Variants in CLRN3 observed in about 807,000 individuals in gnomAD.
CLRN3 encodes the protein clarin 3.
CLRN3 carries 12 observed loss-of-function variants against 16.7 expected under a neutral mutation model. The observed-to-expected ratio is 0.72, with a 90% CI of 0.46 to 1.16. CLRN3 has a LOEUF of 1.16. Among genes scored for constraint, CLRN3 ranks in the 50% most tolerant of loss-of-function variants. The pLI is 0.00. For missense variants in CLRN3, 296 were observed against 274.2 expected (o/e 1.08, Z -0.56); for synonymous variants, 118 against 113.0 (o/e 1.04, Z -0.28).
Position 127,877,888 on chromosome 10 carries a change from G to A in CLRN3, c.*261C>T, listed in dbSNP as rs988167512. On this transcript the variant is annotated 3_prime_UTR_variant, in exon 3 of 3. Transcript: ENST00000368671. Reference sequence around the variant, plus strand: ...TTTATTATTTCAGATCGTGAGACCAGGTCAGAAGGGTCGTTACGCTCATCA... The same window carrying A: ...TTTATTATTTCAGATCGTGAGACCAAGTCAGAAGGGTCGTTACGCTCATCA... 4 of 455,754 alleles carry A rather than the reference G, an allele frequency of 8.8e-6. No homozygotes were observed. The highest frequency in any genetic ancestry group is 7.8e-5 in the African/African-American group (4 of 51,098). 28.2% of individuals were successfully genotyped at this position (455,754 alleles called of 1,614,324 possible).
At chr10:127,881,449 G>A (rs1301763641) in intron 2 of CLRN3, among the ~76,000 whole-genome samples, 1 of 152,242 alleles carries the variant, frequency 6.6e-6, no homozygotes. Flanking sequence ...CCTGCAGGCT[G>A]TAGACACAGC....
intron 1 of CLRN3, among the ~76,000 whole-genome samples, chr10:127,889,425 A>G: frequency 6.6e-6 from 1 of 152,282 alleles, no homozygotes; most frequent in African/African-American, 2.4e-5. Flanking sequence ...GGAGTTTGAG[A>G]CCAGCCTGGC....
chr10:127,890,796 C>CT (rs1564780625), intron 1 of CLRN3, among the ~76,000 whole-genome samples: 1 of 142,676 alleles, frequency 7.0e-6, no homozygotes, highest in African/African-American at 3.1e-5. Context: ...CTGAACACCG[C>CT]AAGTTGAAGA....
chr10:127,885,076 C>G (rs575879553), intron 1 of CLRN3, among the ~76,000 whole-genome samples: 1 of 152,318 alleles, frequency 6.6e-6, no homozygotes, highest in Admixed American at 6.5e-5. Flanking sequence ...ACCTCTTTAT[C>G]TGGAGCAGCT....
At chr10:127,889,636 AC>A (rs1845236208) in intron 1 of CLRN3, among the ~76,000 whole-genome samples, 1 of 152,192 alleles carries the variant, frequency 6.6e-6, no homozygotes. Flanking sequence ...AAACAAAACA[AC>A]AACAACAACA....
chr10:127,883,586 C>T (rs997018210), intron 2 of CLRN3, 110 bp downstream of exon 2: 3 of 809,802 alleles, frequency 3.7e-6, no homozygotes, highest in Non-Finnish European at 6.4e-6. Flanking sequence ...CTCATAGTTT[C>T]CTTGGTGTAA....
intron 1 of CLRN3, among the ~76,000 whole-genome samples, chr10:127,891,086 T>C (rs907220393): frequency 1.3e-5 from 2 of 152,212 alleles, no homozygotes; most frequent in African/African-American, 2.4e-5. Flanking sequence ...TCTGCCTGGC[T>C]GTGCTCCCAC....
In CLRN3 at chr10:127,886,620, G is replaced by A. The variant is rs149243130; in HGVS notation, c.230-2745C>T. Among the ~76,000 whole-genome samples the A allele has an allele frequency of 1.6e-4, 24 of 152,326 alleles. No individual in the cohort carries two copies. The East Asian group carries it at 3.5e-3, about 22-fold the overall frequency. On this transcript the variant is annotated intron_variant, in intron 1 of 2. Coordinates refer to ENST00000368671, the MANE Select transcript of CLRN3 (RefSeq NM_152311.5). ...GGCAGGAGGAGGGCAATGTGGATAC[G>A]CCTCACAGCGGTTGGCATGGCCGCA...
At chr10:127,889,773 C>T (rs1295812150) in intron 1 of CLRN3, among the ~76,000 whole-genome samples, 3 of 152,210 alleles carry the variant, frequency 2.0e-5, no homozygotes, top group Non-Finnish European at 4.4e-5. Context: ...ATGTGAATGA[C>T]TCATTTTGTC....
intron 1 of CLRN3, among the ~76,000 whole-genome samples, chr10:127,887,119 C>A (rs188036187): frequency 2.0e-5 from 3 of 152,182 alleles, no homozygotes; most frequent in Admixed American, 1.3e-4. Flanking sequence ...TTAGCACACA[C>A]TTGTTTTGAA....
chr10:127,883,575 C>A, intron 2 of CLRN3, 121 bp downstream of exon 2: 1 of 744,540 alleles, frequency 1.3e-6, no homozygotes, highest in Non-Finnish European at 2.4e-6. Flanking sequence ...CATGGGAGGT[C>A]CTCATAGTTT....
intron 1 of CLRN3, among the ~76,000 whole-genome samples, chr10:127,886,680 C>T (rs1845198684): frequency 6.6e-6 from 1 of 152,214 alleles, no homozygotes; most frequent in Non-Finnish European, 1.5e-5. Flanking sequence ...AGGGAGCAAA[C>T]CAGGAGAAGA....
chr10:127,892,811 A>G lies in CLRN3; in HGVS notation c.-27T>C. ...TTCACAGGAAAATAAGTTCTCTAGG[A>G]CAAAAAAAGGAATATCTTCTTATAA... On this transcript the variant is annotated 5_prime_UTR_variant, in exon 1 of 3. Coordinates refer to ENST00000368671, the MANE Select transcript of CLRN3 (RefSeq NM_152311.5). 7.3e-7 allele frequency: 1 copy of G among 1,362,708 alleles called. No homozygotes were observed. The highest frequency in any genetic ancestry group is 1.0e-6 in the Non-Finnish European group (1 of 959,300). The allele number at this position is 1,362,708 out of a possible 1,614,324, so 84.4% of individuals were successfully genotyped here.
chr10:127,884,910 C>T (rs550842133), intron 1 of CLRN3, among the ~76,000 whole-genome samples: 4 of 152,302 alleles, frequency 2.6e-5, no homozygotes, highest in African/African-American at 9.6e-5. Context: ...CCATGAAAGT[C>T]ACCAGGACAT....
At chr10:127,878,963 C>T (rs1845093558) in intron 2 of CLRN3, among the ~76,000 whole-genome samples, 1 of 152,186 alleles carries the variant, frequency 6.6e-6, no homozygotes, top group Non-Finnish European at 1.5e-5. Context: ...AATGCCATCC[C>T]AGGAGCTTGA....
intron 1 of CLRN3, among the ~76,000 whole-genome samples, chr10:127,890,906 G>T (rs999751677): frequency 1.5e-4 from 23 of 152,084 alleles, no homozygotes; most frequent in African/African-American, 5.3e-4. Flanking sequence ...CCTAGGCTCT[G>T]AGAGGTCCTT....
intron 2 of CLRN3, among the ~76,000 whole-genome samples, chr10:127,882,127 A>G (rs1845135035): frequency 6.6e-6 from 1 of 152,246 alleles, no homozygotes; most frequent in Non-Finnish European, 1.5e-5. Flanking sequence ...AAAGTCCCTT[A>G]ACCTCTGACA....
At chr10:127,878,950 A>C (rs1845093438) in intron 2 of CLRN3, among the ~76,000 whole-genome samples, 1 of 152,190 alleles carries the variant, frequency 6.6e-6, no homozygotes, top group Admixed American at 6.5e-5. Context: ...CCTGAGAGCC[A>C]CAAATGCCAT....
At chr10:127,888,041 C>T (rs1845217561) in intron 1 of CLRN3, among the ~76,000 whole-genome samples, 2 of 152,190 alleles carry the variant, frequency 1.3e-5, no homozygotes, top group Admixed American at 1.3e-4. Context: ...GAAAATGTAA[C>T]CCTTCAGGCC....
Sources: gnomAD v4.1 joint callset for allele counts (sites outside exome capture counted in the v4.1 genomes callset) on GRCh38, gnomAD v4.1.1 for gene constraint, MANE v1.5 for transcripts, NCBI Gene and HGNC (gene_info 2026-07-23, HGNC 2026-07-21) for gene names.